The following TMEM108 variants were observed in gnomAD, a reference collection of about 807,000 sequenced individuals.
TMEM108 encodes the protein cancer/testis antigen 124.
TMEM108 carries 12 observed loss-of-function variants against 35.1 expected under a neutral mutation model. The observed-to-expected ratio is 0.34, with a 90% CI of 0.22 to 0.55. The LOEUF (loss-of-function observed/expected upper bound fraction) is 0.55. Among genes scored for constraint, TMEM108 ranks in the 20% least tolerant of loss-of-function variants. The probability of loss-of-function intolerance (pLI) is 0.89; values close to 1 mark genes in which losing one functional copy is unlikely to be tolerated. For missense variants in TMEM108, 680 were observed against 753.3 expected (o/e 0.90, Z 1.14); for synonymous variants, 287 against 308.6 (o/e 0.93, Z 0.73).
At chr3:133,353,639 A>G (rs4854582) in intron 3 of TMEM108, among the ~76,000 whole-genome samples, 16,776 of 152,236 alleles carry the variant, frequency 0.11, 1,424 homozygotes, top group East Asian at 0.38. Flanking sequence ...TATCACCTGT[A>G]TGCTTGTAGA....
In TMEM108 at chr3:133,395,892, C is replaced by A; in HGVS notation, c.1634C>A (p.Ala545Asp). The change falls in exon 6 of 6, where the codon GCC becomes GAC. Residue 545 changes from alanine (A) to aspartate (D), a missense_variant. Coordinates refer to ENST00000321871, the MANE Select transcript of TMEM108 (RefSeq NM_023943.4). Reference protein sequence around the residue: ...EDQLSEPRSPANGDYRDTGMV... With the variant: ...EDQLSEPRSPDNGDYRDTGMV... ...CAGCTCTCAGAGCCCCGCTCCCCAG[C>A]CAATGGCGACTATAGAGACACTGGG... 6.3e-7 allele frequency: 1 copy of A among 1,592,184 alleles called. No individual in the cohort carries two copies. The highest frequency in any genetic ancestry group is 8.5e-7 in the Non-Finnish European group (1 of 1,169,828).
intron 3 of TMEM108, among the ~76,000 whole-genome samples, chr3:133,332,554 A>G (rs1431424758): frequency 6.6e-6 from 1 of 152,208 alleles, no homozygotes; most frequent in Non-Finnish European, 1.5e-5. Context: ...TTAGGCAGGT[A>G]GGTAAAATAG....
At chr3:133,300,402 T>G (rs62279009) in intron 3 of TMEM108, among the ~76,000 whole-genome samples, 51,971 of 151,998 alleles carry the variant, frequency 0.34, 9,243 homozygotes, top group East Asian at 0.48. Context: ...TTTTTTTACT[T>G]TGGCGGCAAC....
At chr3:133,256,884 T>G (rs1214791162) in intron 3 of TMEM108, 1 of 152,178 alleles carries the variant, frequency 6.6e-6, no homozygotes, top group African/African-American at 2.4e-5. Flanking sequence ...TACTATAACC[T>G]TAATGCAAAA....
In TMEM108 at chr3:133,397,025, C is replaced by A. The variant is rs2073315161; in HGVS notation, c.*1039C>A. The A allele has an allele frequency of 6.6e-6, 1 of 152,202 alleles. No homozygotes were observed. Among genetic ancestry groups the A allele is most frequent in the African/African-American group, 2.4e-5 (1 of 41,456 alleles). The allele number at this position is 152,202 out of a possible 1,614,324, so 9.4% of individuals were successfully genotyped here. A position where few individuals can be genotyped will look rare whatever the true frequency, so the allele number is the denominator to read the frequency against. ...GACATCATTATACTCCTACTTGGCA[C>A]TGCAAACCTGCTCGCAGCACCAGCC... On this transcript the variant is annotated 3_prime_UTR_variant, in exon 6 of 6. Transcript: ENST00000321871.
intron 2 of TMEM108, among the ~76,000 whole-genome samples, chr3:133,178,680 A>G (rs1382151489): frequency 2.0e-5 from 3 of 152,232 alleles, no homozygotes; most frequent in Admixed American, 2.0e-4. Context: ...AAAGACTTAA[A>G]TGTTAGACCT....
chr3:133,270,090 C>G (rs1946749584), intron 3 of TMEM108, among the ~76,000 whole-genome samples: 1 of 152,116 alleles, frequency 6.6e-6, no homozygotes, highest in East Asian at 1.9e-4. Context: ...AGAGGTTTGC[C>G]TTAGAAAACA....
intron 2 of TMEM108, among the ~76,000 whole-genome samples, chr3:133,073,781 T>C (rs975318455): frequency 6.6e-6 from 1 of 151,896 alleles, no homozygotes; most frequent in Admixed American, 6.6e-5. Flanking sequence ...CCACCAACAG[T>C]GTACAAGAGT....
rs566049643 is a variant in TMEM108 at position 133,137,075 on chromosome 3, C to T, written c.-47+91055C>T. 2.6e-5 allele frequency among the ~76,000 whole-genome samples: 4 copies of T among 152,330 alleles called. No homozygotes were observed. The South Asian group carries it at 8.3e-4, about 32-fold the overall frequency. Reference sequence around the variant, plus strand: ...GTTATGATAAGAAGTTGTATTCCTACATCTGCATAGAGACGGTGTTTATCA... The same window carrying T: ...GTTATGATAAGAAGTTGTATTCCTATATCTGCATAGAGACGGTGTTTATCA... On this transcript the variant is annotated intron_variant, in intron 2 of 5. Coordinates refer to ENST00000321871, the MANE Select transcript of TMEM108 (RefSeq NM_023943.4).
At chr3:133,307,910 GC>G (rs2071067451) in intron 3 of TMEM108, among the ~76,000 whole-genome samples, 1 of 152,096 alleles carries the variant, frequency 6.6e-6, no homozygotes, top group Non-Finnish European at 1.5e-5. Context: ...ATCATTGGTA[GC>G]TTGATGAGGA....
At chr3:133,141,838 G>T (rs1411384557) in intron 2 of TMEM108, among the ~76,000 whole-genome samples, 2 of 152,176 alleles carry the variant, frequency 1.3e-5, no homozygotes, top group South Asian at 2.1e-4. Flanking sequence ...GAAACTTAGT[G>T]CTTGGCCCAT....
chr3:133,295,012 C>T (rs941299426), intron 3 of TMEM108, among the ~76,000 whole-genome samples: 24 of 152,164 alleles, frequency 1.6e-4, no homozygotes, highest in Non-Finnish European at 3.2e-4. Flanking sequence ...GGAAGTCTTT[C>T]ACCACTGATT....
At chr3:133,179,373 A>C (rs1474810975) in intron 2 of TMEM108, among the ~76,000 whole-genome samples, 7 of 152,210 alleles carry the variant, frequency 4.6e-5, no homozygotes, top group Admixed American at 1.3e-4. Flanking sequence ...TTATTGTGGC[A>C]CTATTCACAA....
Position 133,315,517 on chromosome 3 carries a change from G to A in TMEM108, c.41-64235G>A, listed in dbSNP as rs528374823. On this transcript the variant is annotated intron_variant, in intron 3 of 5. Coordinates refer to ENST00000321871, the MANE Select transcript of TMEM108 (RefSeq NM_023943.4). ...CACACCCATGAGAGCTTGGGTCTGT[G>A]GTATCAGCCAAACACAGATTCCATA... 4.4e-4 allele frequency among the ~76,000 whole-genome samples: 67 copies of A among 152,270 alleles called. 2 individuals carry two copies. The East Asian group carries it at 0.01, about 23-fold the overall frequency.
rs188237142 is a variant in TMEM108 at position 133,257,735 on chromosome 3, G to A, written c.40+28384G>A. ...GATGAAACTCTCTGGTAGTTAAGTA[G>A]TGTATCTAAACTAAGTGGAGTAGAT... On this transcript the variant is annotated intron_variant, in intron 3 of 5. Transcript: ENST00000321871. Among the ~76,000 whole-genome samples, 6 of 152,332 alleles carry A rather than the reference G, an allele frequency of 3.9e-5. No individual in the cohort carries two copies. The East Asian group carries it at 1.2e-3, about 29-fold the overall frequency.
rs537668775 is a variant in TMEM108 at position 133,052,198 on chromosome 3, C to T, written c.-47+6178C>T. Among the ~76,000 whole-genome samples, 119 of 152,184 alleles carry T rather than the reference C, an allele frequency of 7.8e-4. 1 individual carries two copies. Among genetic ancestry groups the T allele is most frequent in the African/African-American group, 2.7e-3 (113 of 41,554 alleles). On this transcript the variant is annotated intron_variant, in intron 2 of 5. Transcript: ENST00000321871. ...GTTTTCCTCATATAGATCTTGTACA[C>T]ATTTTGTTAGATTTATACCTAAGTA...
intron 2 of TMEM108, among the ~76,000 whole-genome samples, chr3:133,091,091 A>G (rs1943941868): frequency 6.6e-6 from 1 of 152,206 alleles, no homozygotes. Flanking sequence ...TAATTCCTGT[A>G]GAAGTACATG....
intron 2 of TMEM108, among the ~76,000 whole-genome samples, chr3:133,064,728 G>A (rs1023742493): frequency 2.0e-5 from 3 of 150,092 alleles, no homozygotes; most frequent in Admixed American, 2.0e-4. Context: ...TTTTTTAATG[G>A]ACAGTTAAGC....
At chr3:133,065,157 G>A (rs1292022212) in intron 2 of TMEM108, among the ~76,000 whole-genome samples, 1 of 152,158 alleles carries the variant, frequency 6.6e-6, no homozygotes, top group African/African-American at 2.4e-5. Context: ...TATTCAATGT[G>A]TATTTGTTGG....
Sources: allele counts gnomAD v4.1 joint callset (sites outside exome capture counted in the v4.1 genomes callset), GRCh38; gene constraint gnomAD v4.1.1; transcripts MANE v1.5; gene names NCBI Gene and HGNC (gene_info 2026-07-23, HGNC 2026-07-21).